The following SRCIN1 variants were observed in gnomAD, a reference collection of about 807,000 sequenced individuals.
SRCIN1 encodes the protein P130Cas-associated protein.
A neutral mutation model predicts 116.2 loss-of-function variants in SRCIN1; 50 were observed. The ratio of observed to expected loss-of-function variants is 0.43; its 90% CI spans 0.34 to 0.54. The LOEUF (loss-of-function observed/expected upper bound fraction) is 0.54. Among genes scored for constraint, SRCIN1 ranks in the 20% least tolerant of loss-of-function variants. The pLI is 0.02. For missense variants in SRCIN1, 1,446 were observed against 1,672.0 expected (o/e 0.86, Z 2.36); for synonymous variants, 736 against 750.0 (o/e 0.98, Z 0.30).
At chr17:38,592,091 C>G (rs1171018961) in intron 1 of SRCIN1, among the ~76,000 whole-genome samples, 1 of 152,080 alleles carries the variant, frequency 6.6e-6, no homozygotes, top group Non-Finnish European at 1.5e-5. Context: ...CAGAGGGCCC[C>G]AGGCTTGGAA....
intron 18 of SRCIN1, among the ~76,000 whole-genome samples, chr17:38,534,322 C>T (rs2040970259): frequency 6.6e-6 from 1 of 152,194 alleles, no homozygotes; most frequent in Non-Finnish European, 1.5e-5. Context: ...CCTGGGCTCC[C>T]CTCCAGAATC....
intron 18 of SRCIN1, among the ~76,000 whole-genome samples, chr17:38,541,096 A>G (rs34885194): frequency 0.21 from 31,191 of 151,634 alleles, 6,424 homozygotes; most frequent in African/African-American, 0.54. Context: ...AAATTTAGCC[A>G]GGCTTGGTGG....
rs537575116 is a variant in SRCIN1, at chr17:38,594,382, G to A, written c.22+11302C>T. On this transcript the variant is annotated intron_variant, in intron 1 of 18. Coordinates refer to ENST00000617146, the MANE Select transcript of SRCIN1 (RefSeq NM_025248.3). ...GTTATTAAAAAGCCATCAAGGCGGC[G>A]GCAGCCACGGTGGCAAGGAGAGCTG... is the stretch of plus-strand genomic sequence containing the variant. Among the ~76,000 whole-genome samples, 37 of 152,294 alleles carry A rather than the reference G, an allele frequency of 2.4e-4. 1 individual carries two copies. The South Asian group carries it at 6.6e-3, about 27-fold the overall frequency.
intron 1 of SRCIN1, among the ~76,000 whole-genome samples, chr17:38,600,743 G>A (rs1350519320): frequency 2.0e-5 from 3 of 152,234 alleles, no homozygotes; most frequent in Non-Finnish European, 4.4e-5. Context: ...ATCCTAGCTA[G>A]CCACAGGCAA....
chr17:38,601,911 A>G (rs540786163), intron 1 of SRCIN1, among the ~76,000 whole-genome samples: 15 of 152,176 alleles, frequency 9.9e-5, no homozygotes, highest in Middle Eastern at 3.4e-3. Context: ...AGAAGAGACG[A>G]GGACAGGGTT....
chr17:38,557,758 A>G (rs1409250170), intron 11 of SRCIN1, among the ~76,000 whole-genome samples: 2 of 152,196 alleles, frequency 1.3e-5, no homozygotes, highest in Non-Finnish European at 2.9e-5. Context: ...TTCCTTGGCT[A>G]TATCTGGACT....
In SRCIN1 at chr17:38,604,582, G is replaced by A. The variant is rs1567890217; in HGVS notation, c.22+1102C>T. On this transcript the variant is annotated intron_variant, in intron 1 of 18. Transcript: ENST00000617146. The surrounding 1 kb of genome is among the most constrained non-coding windows in gnomAD (Gnocchi z 4.3). The stretch of plus-strand genomic sequence containing the variant: ...CCCACCAGGCCAGGGCAAAGCGCCG[G>A]AGGCACTGCCAGGGCTGCATGGGGA... The A allele has an allele frequency of 2.2e-6, 1 of 452,862 alleles. No individual in the cohort carries two copies. The highest frequency in any genetic ancestry group is 2.4e-5 in the Admixed American group (1 of 42,336). 28.1% of individuals were successfully genotyped at this position (452,862 alleles called of 1,614,324 possible). A position where few individuals can be genotyped will look rare whatever the true frequency, so the allele number is the denominator to read the frequency against.
At chr17:38,595,889 GC>G (rs965926315) in intron 1 of SRCIN1, among the ~76,000 whole-genome samples, 2 of 151,948 alleles carry the variant, frequency 1.3e-5, no homozygotes, top group East Asian at 1.9e-4. Flanking sequence ...CAGCCAAAGT[GC>G]CCCCCCCAGA....
At chr17:38,555,770 G>C (rs1905746243) in intron 11 of SRCIN1, among the ~76,000 whole-genome samples, 1 of 152,098 alleles carries the variant, frequency 6.6e-6, no homozygotes, top group South Asian at 2.1e-4. Context: ...TCCTAGCCCA[G>C]CCCTCGCTCT....
At chr17:38,550,827 G>C (rs1269810966) in intron 15 of SRCIN1, among the ~76,000 whole-genome samples, 1 of 152,224 alleles carries the variant, frequency 6.6e-6, no homozygotes, top group Non-Finnish European at 1.5e-5. Context: ...CAGTATCAGC[G>C]CTCAACCCGC....
chr17:38,598,925 C>T (rs942335535), intron 1 of SRCIN1, among the ~76,000 whole-genome samples: 14 of 152,220 alleles, frequency 9.2e-5, no homozygotes, highest in African/African-American at 3.4e-4. Context: ...ATCCCCTGGG[C>T]TGGGAGGGCA....
In SRCIN1 at chr17:38,603,741, T is replaced by G. The variant is rs1909197805; in HGVS notation, c.22+1943A>C. Among the ~76,000 whole-genome samples the G allele has an allele frequency of 2.0e-5, 3 of 151,418 alleles. No individual in the cohort carries two copies. In the South Asian group the frequency reaches 6.2e-4, roughly 32 times the overall value. On this transcript the variant is annotated intron_variant, in intron 1 of 18. Transcript: ENST00000617146. ...GGCAGTCTGGGTGGGGACAGCGGGG[T>G]GGAGGGGGGGTGCATCTTATTCTTG...
chr17:38,553,442 C>T (rs1905578563), intron 11 of SRCIN1, among the ~76,000 whole-genome samples: 1 of 152,144 alleles, frequency 6.6e-6, no homozygotes, highest in Non-Finnish European at 1.5e-5. Flanking sequence ...ACTTGCATCC[C>T]CTGATTCTAT....
rs142091296 is a variant in SRCIN1 at position 38,577,926 on chromosome 17, C to A, written c.324+564G>T. Among the ~76,000 whole-genome samples the A allele has an allele frequency of 4.0e-4, 61 of 152,280 alleles. 1 individual carries two copies. The highest frequency in any genetic ancestry group is 2.9e-5 in the Non-Finnish European group (2 of 68,020). Reference sequence around the variant, plus strand: ...AGAGAGGAGGCCTCCAGCTCCAAGTCACCCAGCACGCCACGGGGTGGAACA... The same window carrying A: ...AGAGAGGAGGCCTCCAGCTCCAAGTAACCCAGCACGCCACGGGGTGGAACA... On this transcript the variant is annotated intron_variant, in intron 2 of 18. Coordinates refer to ENST00000617146, the MANE Select transcript of SRCIN1 (RefSeq NM_025248.3).
At chr17:38,583,492 A>G (rs1273128084) in intron 1 of SRCIN1, among the ~76,000 whole-genome samples, 2 of 151,508 alleles carry the variant, frequency 1.3e-5, no homozygotes, top group Non-Finnish European at 2.9e-5. Flanking sequence ...GCACTAAGTG[A>G]GAGGCTGGCA....
intron 8 of SRCIN1, 96 bp from the exon 9 acceptor site, chr17:38,560,193 G>C: frequency 7.2e-7 from 1 of 1,387,112 alleles, no homozygotes. Flanking sequence ...CCAGCTCTCC[G>C]ATCTCAGGAT....
At chr17:38,579,058 T>A (rs746284209) in intron 1 of SRCIN1, among the ~76,000 whole-genome samples, 1 of 152,164 alleles carries the variant, frequency 6.6e-6, no homozygotes, top group Non-Finnish European at 1.5e-5. Context: ...TTTGGAGCGA[T>A]AATGACCGCG....
Position 38,568,065 on chromosome 17 carries a change from GC to G in SRCIN1, c.345+145del. On this transcript the variant is annotated intron_variant, in intron 3 of 18. Coordinates refer to ENST00000617146, the MANE Select transcript of SRCIN1 (RefSeq NM_025248.3). The surrounding 1 kb of genome is among the most constrained non-coding windows in gnomAD (Gnocchi z 4.5). ...AGACTCTCCCAAAGCAGCAGCCACA[GC>G]CTGCAGCCCCGAGGCCCACCGCCCA... The G allele has an allele frequency of 1.0e-6, 1 of 991,558 alleles. No homozygotes were observed. The highest frequency in any genetic ancestry group is 2.6e-5 in the East Asian group (1 of 38,328). The allele number at this position is 991,558 out of a possible 1,614,324, so 61.4% of individuals were successfully genotyped here. A position where few individuals can be genotyped will look rare whatever the true frequency, so the allele number is the denominator to read the frequency against.
At chr17:38,547,242 C>T (rs1216842244) in intron 17 of SRCIN1, among the ~76,000 whole-genome samples, 2 of 152,174 alleles carry the variant, frequency 1.3e-5, no homozygotes, top group African/African-American at 4.8e-5. Flanking sequence ...GTGTCCTGGC[C>T]CCCAGCGCAA....
Sources: allele counts gnomAD v4.1 joint callset (sites outside exome capture counted in the v4.1 genomes callset), GRCh38; gene constraint gnomAD v4.1.1; non-coding constraint Gnocchi (gnomAD v3.1); transcripts MANE v1.5; gene names NCBI Gene and HGNC (gene_info 2026-07-23, HGNC 2026-07-21).